Variants in EYS observed in about 807,000 individuals in gnomAD.
The protein encoded by EYS is EGF-like photoreceptor maintenance factor.
A neutral mutation model predicts 282.1 loss-of-function variants in EYS; 250 were observed. That is an observed-to-expected ratio of 0.89 (90% CI 0.80 to 0.98). The LOEUF (loss-of-function observed/expected upper bound fraction) is 0.98. Ranked by LOEUF, EYS falls within the 50% of genes least tolerant of loss-of-function variation. The pLI, the probability that EYS is intolerant of heterozygous loss-of-function variation, is 0.00. For synonymous variants in EYS, 1,355 were observed against 1,282.9 expected (o/e 1.06, Z -1.20); for missense variants, 4,016 against 3,709.0 (o/e 1.08, Z -2.15).
At chr6:64,192,896 T>A (rs1316938378) in intron 31 of EYS, among the ~76,000 whole-genome samples, 6 of 152,238 alleles carry the variant, frequency 3.9e-5, no homozygotes, top group African/African-American at 1.4e-4. Flanking sequence ...GTCCCATTGA[T>A]CTTTACTGCC....
intron 34 of EYS, among the ~76,000 whole-genome samples, chr6:63,994,122 T>A (rs1767727011): frequency 6.6e-6 from 1 of 151,954 alleles, no homozygotes; most frequent in Non-Finnish European, 1.5e-5. Context: ...GCATTTGGCA[T>A]ATATCTGAAA....
At chr6:64,026,688 A>G (rs1769532020) in intron 33 of EYS, among the ~76,000 whole-genome samples, 1 of 152,098 alleles carries the variant, frequency 6.6e-6, no homozygotes, top group Admixed American at 6.5e-5. Flanking sequence ...TTACCCCCAT[A>G]TCCTATCCTC....
intron 29 of EYS, among the ~76,000 whole-genome samples, chr6:64,309,715 C>T (rs1769599177): frequency 6.6e-6 from 1 of 151,932 alleles, no homozygotes; most frequent in Admixed American, 6.6e-5. Context: ...GCCTGTAATC[C>T]CAGCACTTTG....
intron 12 of EYS, among the ~76,000 whole-genome samples, chr6:65,098,794 C>CTTCTA (rs1774809648): frequency 6.6e-6 from 1 of 150,728 alleles, no homozygotes. Flanking sequence ...ATTATTTATA[C>CTTCTA]TTCTATTCAG....
chr6:64,884,370 G>A (rs1434823422), intron 19 of EYS, among the ~76,000 whole-genome samples: 1 of 151,466 alleles, frequency 6.6e-6, no homozygotes, highest in African/African-American at 2.4e-5. Flanking sequence ...TGGAATTAGA[G>A]AGGGATGTGT....
chr6:65,272,498 G>T (rs1008588922), intron 12 of EYS, among the ~76,000 whole-genome samples: 1 of 152,090 alleles, frequency 6.6e-6, no homozygotes, highest in Non-Finnish European at 1.5e-5. Flanking sequence ...CAGCCATTCT[G>T]CATCAATCAG....
chr6:65,027,576 C>T lies in EYS; in HGVS notation c.2138-29873G>A, dbSNP rs546453423. On this transcript the variant is annotated intron_variant, in intron 13 of 42. Coordinates refer to ENST00000503581, the MANE Select transcript of EYS (RefSeq NM_001142800.2). The stretch of plus-strand genomic sequence containing the variant: ...TCATTAAAAACAATCCCAATCTCAA[C>T]TTTCTGTCAACCACTGATCTGCTGT... 6.9e-4 allele frequency among the ~76,000 whole-genome samples: 105 copies of T among 152,334 alleles called. 1 individual carries two copies. Among genetic ancestry groups the T allele is most frequent in the African/African-American group, 2.2e-3 (93 of 41,586 alleles).
chr6:64,276,527 T>C (rs1455888601), intron 30 of EYS, among the ~76,000 whole-genome samples: 1 of 152,072 alleles, frequency 6.6e-6, no homozygotes, highest in African/African-American at 2.4e-5. Flanking sequence ...ATTGGAGTCA[T>C]GAGGAAGAAG....
chr6:63,961,300 C>T (rs1045287367), intron 35 of EYS, among the ~76,000 whole-genome samples: 1 of 152,226 alleles, frequency 6.6e-6, no homozygotes, highest in African/African-American at 2.4e-5. Context: ...GTGAAAGTGG[C>T]CAGTTCCTGC....
rs112646763 is a variant in EYS, at chr6:65,402,786, C to G, written c.1057-181G>C. On this transcript the variant is annotated intron_variant, in intron 6 of 42. Transcript: ENST00000503581. ...ACAACACCATCTCCCATCTCACACA[C>G]TCTTCCTGCTATGTGAAATCAAAGC... Among the ~76,000 whole-genome samples, 1,403 of 152,210 alleles carry G rather than the reference C, an allele frequency of 9.2e-3. 30 individuals carry two copies. Among genetic ancestry groups the G allele is most frequent in the African/African-American group, 0.032 (1,323 of 41,568 alleles).
intron 2 of EYS, among the ~76,000 whole-genome samples, chr6:65,507,866 C>T (rs1766715050): frequency 6.6e-6 from 1 of 152,110 alleles, no homozygotes; most frequent in African/African-American, 2.4e-5. Context: ...GATCTCTTAA[C>T]ATATTATTCA....
intron 12 of EYS, among the ~76,000 whole-genome samples, chr6:65,191,149 C>T (rs1188138420): frequency 1.3e-5 from 2 of 151,928 alleles, no homozygotes; most frequent in East Asian, 1.9e-4. Context: ...TTTCTCTAGA[C>T]TGAAAATATT....
intron 30 of EYS, among the ~76,000 whole-genome samples, chr6:64,251,512 G>A (rs1767216004): frequency 6.6e-6 from 1 of 152,036 alleles, no homozygotes; most frequent in African/African-American, 2.4e-5. Context: ...AGTATACTGA[G>A]GCACAGTACA....
At chr6:65,310,155 C>T (rs1197505841) in intron 11 of EYS, among the ~76,000 whole-genome samples, 4 of 152,036 alleles carry the variant, frequency 2.6e-5, no homozygotes, top group Admixed American at 2.6e-4. Flanking sequence ...ACCAGGCTGG[C>T]CAACATGGTG....
intron 2 of EYS, among the ~76,000 whole-genome samples, chr6:65,635,723 A>T (rs1482317601): frequency 1.3e-5 from 2 of 152,186 alleles, no homozygotes; most frequent in African/African-American, 4.8e-5. Context: ...GTGTGGTCTG[A>T]TCACAAGATA....
intron 35 of EYS, among the ~76,000 whole-genome samples, chr6:63,909,650 C>T (rs1023708900): frequency 1.8e-4 from 27 of 152,172 alleles, no homozygotes; most frequent in African/African-American, 5.6e-4. Flanking sequence ...ACTTTTTCCC[C>T]ACATCCTCCT....
chr6:64,912,333 T>A (rs1285687550), intron 16 of EYS, 151 bp downstream of exon 16: 2 of 606,502 alleles, frequency 3.3e-6, no homozygotes, highest in African/African-American at 3.7e-5. Context: ...TACATTTTTA[T>A]AACTGGATTT....
At chr6:64,659,103 A>G (rs1768885954) in intron 22 of EYS, among the ~76,000 whole-genome samples, 1 of 152,030 alleles carries the variant, frequency 6.6e-6, no homozygotes, top group Non-Finnish European at 1.5e-5. Context: ...GCTCAACTAC[A>G]TGGAAACTGA....
At chr6:64,307,754 T>C (rs1474902676) in intron 29 of EYS, among the ~76,000 whole-genome samples, 1 of 152,128 alleles carries the variant, frequency 6.6e-6, no homozygotes, top group African/African-American at 2.4e-5. Context: ...CTATATGTGA[T>C]AATGGATGTT....
Sources: allele counts gnomAD v4.1 joint callset (sites outside exome capture counted in the v4.1 genomes callset), GRCh38; gene constraint gnomAD v4.1.1; transcripts MANE v1.5; gene names NCBI Gene and HGNC (gene_info 2026-07-23, HGNC 2026-07-21).